CALN1: variants seen among roughly 807,000 people sequenced by gnomAD.
The protein encoded by CALN1 is calcium-binding protein 8.
In CALN1, 17 loss-of-function variants were observed where a neutral mutation model predicts 30.6. The ratio of observed to expected loss-of-function variants is 0.56; its 90% CI spans 0.38 to 0.83. The LOEUF is 0.83. CALN1 is among the 40% of genes least tolerant of loss of function. CALN1 has a pLI of 0.00. For missense variants in CALN1, 291 were observed against 354.9 expected (o/e 0.82, Z 1.45); for synonymous variants, 156 against 131.4 (o/e 1.19, Z -1.28).
chr7:72,476,515 G>C, the CALN1 span, among the ~76,000 whole-genome samples: 21 of 152,274 alleles, frequency 1.4e-4, 1 homozygote, highest in East Asian at 3.7e-3. Context: ...TATGAGCATA[G>C]TGCAGTGATG....
chr7:72,103,686 G>C (rs1355067976), intron 4 of CALN1, among the ~76,000 whole-genome samples: 3 of 152,072 alleles, frequency 2.0e-5, no homozygotes, highest in Non-Finnish European at 4.4e-5. Context: ...GCGTGGACTA[G>C]ACAGGGGACT....
chr7:72,335,480 G>A (rs1173161914), intron 2 of CALN1, among the ~76,000 whole-genome samples: 3 of 152,272 alleles, frequency 2.0e-5, no homozygotes, highest in African/African-American at 7.2e-5. Context: ...TGTCGCAGAG[G>A]CTACTGTGGG....
At chr7:71,850,140 A>G (rs1048852541) in intron 5 of CALN1, among the ~76,000 whole-genome samples, 1 of 152,194 alleles carries the variant, frequency 6.6e-6, no homozygotes, top group African/African-American at 2.4e-5. Flanking sequence ...TAGAAAAACT[A>G]AGGAAAATAT....
chr7:71,983,954 C>A (rs192768002), intron 5 of CALN1, among the ~76,000 whole-genome samples: 6 of 151,412 alleles, frequency 4.0e-5, no homozygotes, highest in Admixed American at 2.0e-4. Context: ...AAATTATGAT[C>A]GAAAAAAACA....
intron 3 of CALN1, among the ~76,000 whole-genome samples, chr7:72,184,646 T>C (rs916007265): frequency 2.0e-5 from 3 of 152,182 alleles, no homozygotes; most frequent in Non-Finnish European, 2.9e-5. Context: ...TTTCTGGTTC[T>C]TTTTCCACTG....
intron 3 of CALN1, among the ~76,000 whole-genome samples, chr7:72,191,576 A>G (rs1296351163): frequency 3.3e-5 from 5 of 150,960 alleles, no homozygotes; most frequent in Non-Finnish European, 5.9e-5. Context: ...AAAAAAAAAA[A>G]AAGAATGGCA....
chr7:72,271,775 C>T (rs1286713810), intron 3 of CALN1, among the ~76,000 whole-genome samples: 1 of 151,178 alleles, frequency 6.6e-6, no homozygotes, highest in Non-Finnish European at 1.5e-5. Context: ...CATTAAAAGT[C>T]ATCTAGGCCA....
chr7:72,043,343 T>C (rs1292835469), intron 4 of CALN1, among the ~76,000 whole-genome samples: 1 of 152,162 alleles, frequency 6.6e-6, no homozygotes, highest in Non-Finnish European at 1.5e-5. Flanking sequence ...AGGAAGCCCA[T>C]TTCCCAGGGG....
intron 3 of CALN1, among the ~76,000 whole-genome samples, chr7:72,158,494 A>G (rs1431280012): frequency 1.3e-5 from 2 of 152,194 alleles, no homozygotes; most frequent in Non-Finnish European, 2.9e-5. Flanking sequence ...CCACACCAAC[A>G]GCTGAAAATG....
At chr7:72,243,484 T>G (rs1014477502) in intron 3 of CALN1, among the ~76,000 whole-genome samples, 2 of 152,180 alleles carry the variant, frequency 1.3e-5, no homozygotes, top group Non-Finnish European at 2.9e-5. Context: ...CTTTCGGTGC[T>G]AAGTGCTGAC....
At chr7:72,118,010 A>G (rs1808115815) in intron 3 of CALN1, among the ~76,000 whole-genome samples, 1 of 151,984 alleles carries the variant, frequency 6.6e-6, no homozygotes, top group Non-Finnish European at 1.5e-5. Flanking sequence ...GGGAACAGAC[A>G]GCAGGCAGTG....
chr7:72,487,854 G>GAGAAAGAAAGAAAGAAAGAAAGAA, the CALN1 span, among the ~76,000 whole-genome samples: 2 of 69,512 alleles, frequency 2.9e-5, no homozygotes, highest in African/African-American at 9.5e-5. Context: ...GAAAAAGAAA[G>GAGAAAGAAAGAAAGAAAGAAAGAA]AGAAAGAAAG....
At chr7:71,931,627 A>C (rs926226497) in intron 5 of CALN1, among the ~76,000 whole-genome samples, 1 of 152,196 alleles carries the variant, frequency 6.6e-6, no homozygotes, top group African/African-American at 2.4e-5. Context: ...TGGCTGATGG[A>C]CTGTAATTTC....
At chr7:71,793,980 T>C (rs10262920) in intron 6 of CALN1, among the ~76,000 whole-genome samples, 37,637 of 152,166 alleles carry the variant, frequency 0.25, 7,518 homozygotes, top group East Asian at 0.66. Flanking sequence ...AGCTCCCTTG[T>C]ATAAACCTTT....
At chr7:72,375,846 A>G (rs983747472) in intron 2 of CALN1, among the ~76,000 whole-genome samples, 5 of 152,168 alleles carry the variant, frequency 3.3e-5, no homozygotes, top group Non-Finnish European at 7.3e-5. Flanking sequence ...ACCATGTTGT[A>G]TAACTATTAC....
rs191508265 is a variant in CALN1, at chr7:72,409,284, G to A, written c.-74+2774C>T. ...GCTGGGATTACAGGCAGAAGCCACT[G>A]CACCTGGCCCAGCATACTCTTAAAT... On this transcript the variant is annotated intron_variant, in intron 1 of 6. Transcript: ENST00000395275. Among the ~76,000 whole-genome samples, 1,269 of 151,902 alleles carry A rather than the reference G, an allele frequency of 8.4e-3. 14 individuals are homozygous for A. The highest frequency in any genetic ancestry group is 0.029 in the African/African-American group (1,207 of 41,476).
chr7:71,923,090 A>G (rs1382220454), intron 5 of CALN1, among the ~76,000 whole-genome samples: 1 of 150,752 alleles, frequency 6.6e-6, no homozygotes, highest in Non-Finnish European at 1.5e-5. Flanking sequence ...CAGGCCTAAG[A>G]AATGGGTAAT....
intron 3 of CALN1, among the ~76,000 whole-genome samples, chr7:72,228,109 T>C (rs1161909502): frequency 2.6e-5 from 4 of 152,060 alleles, no homozygotes; most frequent in Non-Finnish European, 1.5e-5. Flanking sequence ...CTTCTTTCTT[T>C]GTCGTGGGAA....
At chr7:72,394,213 C>A (rs1237630860) in intron 2 of CALN1, among the ~76,000 whole-genome samples, 1 of 152,162 alleles carries the variant, frequency 6.6e-6, no homozygotes, top group African/African-American at 2.4e-5. Flanking sequence ...TCAAGCACTT[C>A]CTTTCTGTCA....
Sources: gnomAD v4.1 joint callset for allele counts (sites outside exome capture counted in the v4.1 genomes callset) on GRCh38, gnomAD v4.1.1 for gene constraint, MANE v1.5 for transcripts, NCBI Gene and HGNC (gene_info 2026-07-23, HGNC 2026-07-21) for gene names.